RARB: variants seen among roughly 807,000 people sequenced by gnomAD.
RARB encodes the protein retinoic acid receptor beta.
RARB carries 17 observed loss-of-function variants against 51.9 expected under a neutral mutation model. The observed-to-expected ratio is 0.33, with a 90% CI of 0.22 to 0.49. The LOEUF (loss-of-function observed/expected upper bound fraction) is 0.49. RARB is among the 20% of genes least tolerant of loss of function. The pLI is 0.99. For synonymous variants in RARB, 215 were observed against 195.4 expected (o/e 1.10, Z -0.84); for missense variants, 369 against 550.8 (o/e 0.67, Z 3.30).
chr3:25,564,660 C>G (rs192613572), intron 3 of RARB, among the ~76,000 whole-genome samples: 1 of 152,130 alleles, frequency 6.6e-6, no homozygotes, highest in African/African-American at 2.4e-5. Flanking sequence ...ATCTGTGGGT[C>G]GGATCTTGTA....
chr3:24,973,034 C>T (rs1487399211), intron 2 of RARB, among the ~76,000 whole-genome samples: 1 of 151,818 alleles, frequency 6.6e-6, no homozygotes, highest in African/African-American at 2.4e-5. Flanking sequence ...TAAGGTTTTT[C>T]ACAAAAAAGC....
chr3:25,101,138 G>C (rs1699392987), intron 3 of RARB, among the ~76,000 whole-genome samples: 1 of 152,120 alleles, frequency 6.6e-6, no homozygotes, highest in African/African-American at 2.4e-5. Flanking sequence ...TCTGTCTTAA[G>C]AGTCAGCAGA....
intron 5 of RARB, among the ~76,000 whole-genome samples, chr3:25,281,653 G>A (rs572978315): frequency 5.3e-5 from 8 of 152,336 alleles, no homozygotes; most frequent in Admixed American, 2.0e-4. Flanking sequence ...TATTGTAGGC[G>A]TTGGGTGGTT....
At chr3:25,562,065 A>G (rs1423038324) in intron 3 of RARB, among the ~76,000 whole-genome samples, 3 of 152,168 alleles carry the variant, frequency 2.0e-5, no homozygotes, top group South Asian at 2.1e-4. Flanking sequence ...TTTGAAGACT[A>G]TTGATTCCTG....
At chr3:25,041,015 G>A (rs1698103173) in intron 2 of RARB, among the ~76,000 whole-genome samples, 2 of 152,176 alleles carry the variant, frequency 1.3e-5, no homozygotes, top group South Asian at 4.1e-4. Context: ...CTGCCATAAA[G>A]AAGGTACTAC....
At chr3:25,505,794 G>A (rs1246256752) in intron 3 of RARB, among the ~76,000 whole-genome samples, 1 of 152,192 alleles carries the variant, frequency 6.6e-6, no homozygotes, top group Non-Finnish European at 1.5e-5. Context: ...GGCGTGGGAG[G>A]TTTGTAATGA....
intron 3 of RARB, among the ~76,000 whole-genome samples, chr3:25,129,806 T>C (rs11129182): frequency 0.82 from 125,020 of 151,998 alleles, 51,535 homozygotes; most frequent in Admixed American, 0.85. Context: ...CATTTGTCAT[T>C]ATTTTGGTAT....
chr3:25,540,345 G>T (rs1171510732), intron 3 of RARB, among the ~76,000 whole-genome samples: 2 of 151,462 alleles, frequency 1.3e-5, no homozygotes, highest in South Asian at 4.2e-4. Flanking sequence ...AATTTGATCT[G>T]GAGCCTCAGT....
chr3:25,451,855 C>T (rs1044775659), intron 1 of RARB, among the ~76,000 whole-genome samples: 1 of 152,204 alleles, frequency 6.6e-6, no homozygotes, highest in Non-Finnish European at 1.5e-5. Context: ...TTTTAATCTA[C>T]TCTGTGTGCA....
intron 5 of RARB, among the ~76,000 whole-genome samples, chr3:25,389,985 G>T (rs914506037): frequency 1.3e-5 from 2 of 152,140 alleles, no homozygotes; most frequent in African/African-American, 4.8e-5. Context: ...ATTGGTCGTG[G>T]CTCAAGAGGT....
chr3:25,496,218 T>C (rs1329969810), intron 2 of RARB, among the ~76,000 whole-genome samples: 1 of 152,246 alleles, frequency 6.6e-6, no homozygotes, highest in Non-Finnish European at 1.5e-5. Flanking sequence ...CTTCTGTGTG[T>C]TGGGTTCTGT....
chr3:25,230,857 G>A (rs1283864372), intron 5 of RARB, among the ~76,000 whole-genome samples: 1 of 152,048 alleles, frequency 6.6e-6, no homozygotes, highest in African/African-American at 2.4e-5. Context: ...TAATATGATT[G>A]AGAAACTATT....
At chr3:25,548,688 A>G (rs904858627) in intron 3 of RARB, among the ~76,000 whole-genome samples, 1 of 150,622 alleles carries the variant, frequency 6.6e-6, no homozygotes, top group Admixed American at 6.6e-5. Context: ...CAAGTTTTGA[A>G]TCCTTTTTTA....
rs1418571162 is a variant in RARB at position 25,461,279 on chromosome 3, T to C, written c.244T>C (p.Phe82Leu). 1 of 1,613,948 alleles carries C rather than the reference T, an allele frequency of 6.2e-7. No individual in the cohort carries two copies. The highest frequency in any genetic ancestry group is 2.2e-5 in the East Asian group (1 of 44,850). ...TCCCCCTCGAGTGTACAAACCCTGC[T>C]TCGTCTGCCAGGACAAATCATCAGG... Reference protein sequence around the residue: ...LPPPRVYKPCFVCQDKSSGYH... With the variant: ...LPPPRVYKPCLVCQDKSSGYH... The change falls in exon 2 of 8, where the codon TTC (phenylalanine) becomes CTC (leucine). Residue 82 changes from phenylalanine (F) to leucine (L), a missense_variant. Transcript: ENST00000330688.
rs1700435664 is a variant in RARB at position 25,159,329 on chromosome 3, C to G, written c.-279-14790C>G. ...GGATTACAAGTATGCACCACCACAC[C>G]TGGCTAATTTTGTGTTTTTAGTAGA... is the stretch of plus-strand genomic sequence containing the variant. On this transcript the variant is annotated intron_variant, in intron 4 of 11. Coordinates refer to the RARB transcript ENST00000383772. 4.0e-5 allele frequency among the ~76,000 whole-genome samples: 6 copies of G among 151,670 alleles called. No homozygotes were observed. In the South Asian group the frequency reaches 1.3e-3, roughly 32 times the overall value.
At chr3:25,229,542 G>A (rs192940161) in intron 5 of RARB, among the ~76,000 whole-genome samples, 2 of 151,930 alleles carry the variant, frequency 1.3e-5, no homozygotes, top group Non-Finnish European at 1.5e-5. Flanking sequence ...TACCCCAACT[G>A]GGTATATTGT....
At chr3:25,021,461 C>A (rs1048183347) in intron 2 of RARB, among the ~76,000 whole-genome samples, 4 of 151,958 alleles carry the variant, frequency 2.6e-5, no homozygotes, top group African/African-American at 9.7e-5. Context: ...CGTAAACTCA[C>A]CAGAACAACA....
At chr3:25,135,103 G>C (rs1214654813) in intron 4 of RARB, among the ~76,000 whole-genome samples, 3 of 148,662 alleles carry the variant, frequency 2.0e-5, no homozygotes, top group African/African-American at 7.4e-5. Flanking sequence ...ATGCTTCCCT[G>C]AACTCTTTGA....
chr3:25,360,508 C>T (rs1705897474), intron 5 of RARB, among the ~76,000 whole-genome samples: 1 of 152,130 alleles, frequency 6.6e-6, no homozygotes, highest in Non-Finnish European at 1.5e-5. Context: ...TGAATTTGAT[C>T]CTGTAATTAT....
Sources: allele counts gnomAD v4.1 joint callset (sites outside exome capture counted in the v4.1 genomes callset), GRCh38; gene constraint gnomAD v4.1.1; transcripts MANE v1.5; gene names NCBI Gene and HGNC (gene_info 2026-07-23, HGNC 2026-07-21).